Variants in RMDN1 observed in about 807,000 individuals in gnomAD.
RMDN1 encodes regulator of microtubule dynamics 1.
A neutral mutation model predicts 48.9 loss-of-function variants in RMDN1; 48 were observed. The ratio of observed to expected loss-of-function variants is 0.98; its 90% CI spans 0.78 to 1.25. The LOEUF (loss-of-function observed/expected upper bound fraction) is 1.25. Ranked by LOEUF, RMDN1 falls within the 50% of genes most tolerant of loss-of-function variation. The pLI is 0.00. For synonymous variants in RMDN1, 148 were observed against 132.6 expected, an observed-to-expected ratio of 1.12 and a Z score of -0.80; for missense variants, 418 against 373.4, an observed-to-expected ratio of 1.12 and a Z score of -0.98.
chr8:86,503,673 C>T, intron 2 of RMDN1: 1 of 479,840 alleles, frequency 2.1e-6, no homozygotes. Context: ...GTCATCAGTG[C>T]TCCTGAGATG....
intron 2 of RMDN1, 117 bp downstream of exon 2, chr8:86,506,878 T>C (rs1469099630): frequency 1.6e-6 from 1 of 634,816 alleles, no homozygotes; most frequent in Non-Finnish European, 2.8e-6. Context: ...ATTGTGAATA[T>C]TTCCATATGG....
upstream of RMDN1, chr8:86,508,828 TTAATG>T: frequency 7.9e-7 from 1 of 1,272,828 alleles, no homozygotes; most frequent in East Asian, 3.2e-5. Context: ...TGGGTGGGAC[TTAATG>T]GACTTTCCGC....
rs1200505536 is a variant in RMDN1, at chr8:86,482,891, C to T, written c.585+1981G>A. 5 of 1,077,320 alleles carry T rather than the reference C, an allele frequency of 4.6e-6. No homozygotes were observed. The Admixed American group carries it at 6.8e-5, about 15-fold the overall frequency. 66.7% of individuals were successfully genotyped at this position (1,077,320 alleles called of 1,614,324 possible). Reference sequence around the variant, plus strand: ...AGGCCCTGGGGTCCCAGTTGTTGAACAGACTGACCTCTGATACATCTGGCT... The same window carrying T: ...AGGCCCTGGGGTCCCAGTTGTTGAATAGACTGACCTCTGATACATCTGGCT... On this transcript the variant is annotated intron_variant, in intron 5 of 9. Transcript: ENST00000406452.
intron 2 of RMDN1, chr8:86,504,271 T>C: frequency 1.3e-6 from 2 of 1,573,674 alleles, no homozygotes; most frequent in Admixed American, 3.3e-5. Context: ...CCAGCAGTTG[T>C]GGGGCACCCA....
chr8:86,480,461 A>G (rs1814189901), intron 5 of RMDN1, 129 bp from the exon 6 acceptor site: 1 of 505,640 alleles, frequency 2.0e-6, no homozygotes, highest in Non-Finnish European at 3.6e-6. Flanking sequence ...CCATTATAAT[A>G]TCAACTTTCT....
chr8:86,487,444 C>T (rs1055764432), intron 3 of RMDN1, among the ~76,000 whole-genome samples: 2 of 152,014 alleles, frequency 1.3e-5, no homozygotes, highest in African/African-American at 2.4e-5. Context: ...CAAAATTAGC[C>T]GGGTGTGGTG....
At chr8:86,510,797 G>A (rs963536722), upstream of RMDN1, among the ~76,000 whole-genome samples, 6 of 152,142 alleles carry the variant, frequency 3.9e-5, no homozygotes, top group African/African-American at 1.4e-4. Context: ...GGAGTGTGGA[G>A]TTTCAGAGGA....
At chr8:86,484,502 G>A (rs1815119400) in intron 5 of RMDN1, among the ~76,000 whole-genome samples, 1 of 152,090 alleles carries the variant, frequency 6.6e-6, no homozygotes, top group Non-Finnish European at 1.5e-5. Context: ...TGGATCACCT[G>A]ATGTCAGGAG....
chr8:86,486,701 G>A (rs1815549486), intron 3 of RMDN1, 58 bp from the exon 4 acceptor site: 2 of 1,381,234 alleles, frequency 1.4e-6, no homozygotes, highest in African/African-American at 1.4e-5. Flanking sequence ...AATTGTTAAG[G>A]GTTACATTAC....
chr8:86,469,613 T>C (rs775025628), downstream of RMDN1, among the ~76,000 whole-genome samples: 4 of 152,196 alleles, frequency 2.6e-5, no homozygotes, highest in Non-Finnish European at 5.9e-5. Context: ...ATACAGCCTA[T>C]TGTAGACTTA....
In RMDN1 at chr8:86,472,616, C is replaced by A; in HGVS notation, c.*1692G>T. 4.9e-6 allele frequency: 3 copies of A among 609,218 alleles called. No individual in the cohort carries two copies. Among genetic ancestry groups the A allele is most frequent in the South Asian group, 2.0e-5 (1 of 49,636 alleles). The allele number at this position is 609,218 out of a possible 1,614,324, so 37.7% of individuals were successfully genotyped here. ...GGTGATGCTACTGTTGCCTAGCTAC[C>A]CTGACCACATTATTTTTTCACTGTA... On this transcript the variant is annotated 3_prime_UTR_variant, in exon 10 of 10. Coordinates refer to ENST00000406452, the MANE Select transcript of RMDN1 (RefSeq NM_016033.3).
At chr8:86,504,803 C>T in intron 2 of RMDN1, 3 of 1,059,118 alleles carry the variant, frequency 2.8e-6, no homozygotes, top group Non-Finnish European at 4.4e-6. Flanking sequence ...GCTGCTCCAA[C>T]TATACCTCCA....
chr8:86,492,722 T>G (rs1816720552), intron 2 of RMDN1, among the ~76,000 whole-genome samples: 1 of 151,244 alleles, frequency 6.6e-6, no homozygotes. Flanking sequence ...CAGGAGTGCT[T>G]CAGTTCCTGT....
Position 86,474,813 on chromosome 8 carries a change from GT to G in RMDN1, c.894+6del. 1 of 1,601,578 alleles carries G rather than the reference GT, an allele frequency of 6.2e-7. No individual in the cohort carries two copies. The highest frequency in any genetic ancestry group is 8.5e-7 in the Non-Finnish European group (1 of 1,175,848). On this transcript the variant is annotated splice_donor_region_variant and intron_variant, in intron 9 of 9. Coordinates refer to ENST00000406452, the MANE Select transcript of RMDN1 (RefSeq NM_016033.3). ...CTTTCTGCCTTACTTTATGGGAGAT[GT>G]TTTACCTGTTTATCCTCCTCTGTGT... is the stretch of plus-strand genomic sequence containing the variant.
At chr8:86,471,832 T>C (rs1054586671), downstream of RMDN1, among the ~76,000 whole-genome samples, 5 of 152,200 alleles carry the variant, frequency 3.3e-5, no homozygotes, top group African/African-American at 1.2e-4. Context: ...CAATCTGGAA[T>C]GCGAGAGAAT....
chr8:86,491,880 A>G (rs1302896289), intron 2 of RMDN1, among the ~76,000 whole-genome samples: 3 of 152,234 alleles, frequency 2.0e-5, no homozygotes, highest in Non-Finnish European at 4.4e-5. Flanking sequence ...CTCTGGCAAG[A>G]TAAATAGCTA....
At chr8:86,505,320 G>A (rs1257493331) in intron 2 of RMDN1, 2 of 464,688 alleles carry the variant, frequency 4.3e-6, no homozygotes, top group Non-Finnish European at 8.6e-6. Context: ...GGAGGCAATG[G>A]CCACTTGGCA....
Position 86,472,480 on chromosome 8 carries a change from C to G in RMDN1, c.*1828G>C, listed in dbSNP as rs148886826. 667 of 702,450 alleles carry G rather than the reference C, an allele frequency of 9.5e-4. 3 individuals are homozygous for G. In the African/African-American group the frequency reaches 0.01, roughly 11 times the overall value. The allele number at this position is 702,450 out of a possible 1,614,324, so 43.5% of individuals were successfully genotyped here. A position where few individuals can be genotyped will look rare whatever the true frequency, so the allele number is the denominator to read the frequency against. On this transcript the variant is annotated 3_prime_UTR_variant, in exon 10 of 10. Transcript: ENST00000406452. ...TTCAGCTGCTTCTGTTTCTCTTCAC[C>G]TACAAAAATAAAATTACAGTATACA...
At chr8:86,477,220 A>G in intron 8 of RMDN1, 74 bp downstream of exon 8, 1 of 1,065,226 alleles carries the variant, frequency 9.4e-7, no homozygotes, top group South Asian at 1.6e-5. Flanking sequence ...TGCTTTAGAC[A>G]TTGCTATTAT....
Sources: gnomAD v4.1 joint callset for allele counts (sites outside exome capture counted in the v4.1 genomes callset) on GRCh38, gnomAD v4.1.1 for gene constraint, MANE v1.5 for transcripts, NCBI Gene and HGNC (gene_info 2026-07-23, HGNC 2026-07-21) for gene names.